CTNNA3: variants seen among roughly 807,000 people sequenced by gnomAD.
CTNNA3 encodes the protein catenin alpha 3.
In CTNNA3, 76 loss-of-function variants were observed where a neutral mutation model predicts 95.7. The ratio of observed to expected loss-of-function variants is 0.79; its 90% CI spans 0.66 to 0.96. The LOEUF is 0.96. CTNNA3 is among the 40% of genes least tolerant of loss of function. CTNNA3 has a pLI of 0.00. For synonymous variants in CTNNA3, 431 were observed against 374.4 expected, an observed-to-expected ratio of 1.15 and a Z score of -1.74; for missense variants, 1,191 against 1,089.8, an observed-to-expected ratio of 1.09 and a Z score of -1.31.
At chr10:67,449,976 T>C (rs1846906449) in intron 5 of CTNNA3, among the ~76,000 whole-genome samples, 1 of 151,976 alleles carries the variant, frequency 6.6e-6, no homozygotes, top group Admixed American at 6.6e-5. Context: ...CATTAAAAAG[T>C]GGACAAAAGA....
intron 7 of CTNNA3, among the ~76,000 whole-genome samples, chr10:66,948,078 G>A (rs1848364715): frequency 6.6e-6 from 1 of 152,148 alleles, no homozygotes; most frequent in African/African-American, 2.4e-5. Flanking sequence ...AGAAAAGGTA[G>A]GATAAAAACA....
At chr10:67,064,413 T>A (rs1174452081) in intron 7 of CTNNA3, among the ~76,000 whole-genome samples, 1 of 152,128 alleles carries the variant, frequency 6.6e-6, no homozygotes, top group Non-Finnish European at 1.5e-5. Context: ...CCAAAATCTA[T>A]AGAATTTTCA....
At chr10:66,071,309 G>T (rs10509250) in intron 14 of CTNNA3, among the ~76,000 whole-genome samples, 3 of 87,336 alleles carry the variant, frequency 3.4e-5, no homozygotes, top group Non-Finnish European at 7.0e-5. Context: ...ACTGTCAAAG[G>T]CTTTTTCAAT....
At chr10:67,236,621 C>A (rs895907195) in intron 5 of CTNNA3, among the ~76,000 whole-genome samples, 1 of 151,472 alleles carries the variant, frequency 6.6e-6, no homozygotes, top group African/African-American at 2.4e-5. Context: ...TGTAACTAAC[C>A]TGCACATTGT....
intron 13 of CTNNA3, among the ~76,000 whole-genome samples, chr10:66,248,800 A>G (rs1300458819): frequency 1.3e-5 from 2 of 152,192 alleles, no homozygotes; most frequent in South Asian, 2.1e-4. Context: ...TAATAGCTGG[A>G]CACTTCAACA....
At chr10:67,202,977 C>T (rs551923061) in intron 6 of CTNNA3, among the ~76,000 whole-genome samples, 2 of 152,074 alleles carry the variant, frequency 1.3e-5, no homozygotes, top group Non-Finnish European at 2.9e-5. Flanking sequence ...AGTTTACATA[C>T]CATGTATACT....
chr10:67,134,349 T>C (rs1375299944), intron 7 of CTNNA3, among the ~76,000 whole-genome samples: 4 of 152,058 alleles, frequency 2.6e-5, no homozygotes, highest in African/African-American at 9.7e-5. Context: ...ATAAATGGAG[T>C]ATCCCATGAT....
intron 7 of CTNNA3, among the ~76,000 whole-genome samples, chr10:67,075,723 G>T (rs956092790): frequency 2.6e-5 from 4 of 152,176 alleles, no homozygotes; most frequent in Non-Finnish European, 5.9e-5. Flanking sequence ...TGAACTGTGG[G>T]TTCACTAAAA....
intron 1 of CTNNA3, among the ~76,000 whole-genome samples, chr10:67,717,429 T>C (rs1002027672): frequency 2.6e-5 from 4 of 152,204 alleles, no homozygotes; most frequent in Admixed American, 6.5e-5. Context: ...TAGGTTTTTT[T>C]CTAGGGTTTT....
chr10:67,537,205 G>GT (rs2133197280), intron 4 of CTNNA3, among the ~76,000 whole-genome samples: 1 of 152,266 alleles, frequency 6.6e-6, no homozygotes, highest in African/African-American at 2.4e-5. Flanking sequence ...ATAACTGGTT[G>GT]TAGGTCCATG....
At chr10:67,512,675 A>G (rs1166837571) in intron 5 of CTNNA3, among the ~76,000 whole-genome samples, 1 of 150,844 alleles carries the variant, frequency 6.6e-6, no homozygotes, top group Non-Finnish European at 1.5e-5. Context: ...TTGTAATATT[A>G]TTGCATTTTC....
At chr10:67,191,262 G>A (rs1256815795) in intron 6 of CTNNA3, among the ~76,000 whole-genome samples, 1 of 151,812 alleles carries the variant, frequency 6.6e-6, no homozygotes, top group African/African-American at 2.4e-5. Flanking sequence ...GAGCAATTAA[G>A]CAAGAAGAAG....
chr10:67,092,725 C>A (rs886311126), intron 7 of CTNNA3, among the ~76,000 whole-genome samples: 1 of 151,794 alleles, frequency 6.6e-6, no homozygotes, highest in Admixed American at 6.6e-5. Context: ...TATTTTTAAC[C>A]ATCTAACTTT....
chr10:67,760,794 T>C (rs1841458118), intron 1 of CTNNA3, among the ~76,000 whole-genome samples: 2 of 152,148 alleles, frequency 1.3e-5, no homozygotes, highest in East Asian at 1.9e-4. Flanking sequence ...GTGTGTTCCT[T>C]ATGAGAATCT....
chr10:66,257,966 C>A (rs539778363), intron 13 of CTNNA3, among the ~76,000 whole-genome samples: 1 of 152,300 alleles, frequency 6.6e-6, no homozygotes, highest in East Asian at 1.9e-4. Context: ...ATCAGATAGC[C>A]AATTTTTGTT....
At chr10:67,658,361 A>C (rs140899836) in intron 1 of CTNNA3, among the ~76,000 whole-genome samples, 2 of 152,336 alleles carry the variant, frequency 1.3e-5, no homozygotes, top group Non-Finnish European at 2.9e-5. Flanking sequence ...ATTAGTTGAT[A>C]TCATTATCCC....
intron 7 of CTNNA3, among the ~76,000 whole-genome samples, chr10:66,889,790 CTTT>C (rs71468807): frequency 8.4e-5 from 11 of 131,050 alleles, no homozygotes; most frequent in Non-Finnish European, 8.2e-5. Flanking sequence ...AACCACAGAC[CTTT>C]TTTTTTTTTT....
intron 14 of CTNNA3, among the ~76,000 whole-genome samples, chr10:66,080,689 AG>A (rs2080722890): frequency 6.6e-6 from 1 of 152,136 alleles, no homozygotes; most frequent in African/African-American, 2.4e-5. Context: ...GCTGCAATGG[AG>A]GCAGAGATGG....
chr10:65,960,274 C>T (rs1300178898), intron 17 of CTNNA3, among the ~76,000 whole-genome samples: 4 of 151,720 alleles, frequency 2.6e-5, no homozygotes, highest in Admixed American at 6.6e-5. Context: ...CAGCGGCTCA[C>T]ACCTGTAATC....
Sources: gnomAD v4.1 joint callset for allele counts (sites outside exome capture counted in the v4.1 genomes callset) on GRCh38, gnomAD v4.1.1 for gene constraint, MANE v1.5 for transcripts, NCBI Gene and HGNC (gene_info 2026-07-23, HGNC 2026-07-21) for gene names.